RAB12: variants seen among roughly 807,000 people sequenced by gnomAD.
RAB12 encodes ras-related protein Rab-12.
In RAB12, 11 loss-of-function variants were observed where a neutral mutation model predicts 28.4. That is an observed-to-expected ratio of 0.39 (90% CI 0.24 to 0.64). The LOEUF (loss-of-function observed/expected upper bound fraction) is 0.64, where lower values mean the gene tolerates loss of function less well. RAB12 is among the 30% of genes least tolerant of loss of function. The pLI is 0.50. For missense variants in RAB12, 276 were observed against 351.1 expected, an observed-to-expected ratio of 0.79 and a Z score of 1.71; for synonymous variants, 138 against 145.3, an observed-to-expected ratio of 0.95 and a Z score of 0.36.
chr18:8,613,633 AAGCT>A (rs781022161), intron 1 of RAB12, among the ~76,000 whole-genome samples: 3 of 152,278 alleles, frequency 2.0e-5, no homozygotes, highest in Non-Finnish European at 4.4e-5. Flanking sequence ...TTACTGTTGG[AAGCT>A]AGCTGTTAAT....
rs192416875 is a variant in RAB12 at position 8,613,602 on chromosome 18, A to C, written c.514+3649A>C. ...AACTCCATAAAATTACATATCTGTCAATCTTTGTTTTATTTCTATGTTACT... is the reference window on the plus strand; with the variant it reads ...AACTCCATAAAATTACATATCTGTCCATCTTTGTTTTATTTCTATGTTACT... On this transcript the variant is annotated intron_variant, in intron 1 of 5. Coordinates refer to ENST00000649141, the MANE Select transcript of RAB12 (RefSeq NM_001025300.3). Among the ~76,000 whole-genome samples, 7 of 152,284 alleles carry C rather than the reference A, an allele frequency of 4.6e-5. No individual in the cohort carries two copies. The East Asian group carries it at 1.4e-3, about 29-fold the overall frequency.
At chr18:8,628,549 G>C (rs1174756659) in intron 2 of RAB12, among the ~76,000 whole-genome samples, 9 of 152,176 alleles carry the variant, frequency 5.9e-5, no homozygotes, top group African/African-American at 1.9e-4. Flanking sequence ...ACTAGTTCAT[G>C]TTTCCTCATT....
intron 4 of RAB12, 129 bp from the exon 5 acceptor site, chr18:8,636,124 T>C (rs2096018754): frequency 3.0e-6 from 2 of 670,106 alleles, no homozygotes; most frequent in Admixed American, 5.2e-5. Flanking sequence ...AACTTTATCT[T>C]TGAGCGTCAG....
intron 1 of RAB12, among the ~76,000 whole-genome samples, chr18:8,613,225 G>C (rs1205456224): frequency 8.5e-5 from 13 of 152,328 alleles, no homozygotes; most frequent in Admixed American, 6.5e-4. Flanking sequence ...ATGGGATTTT[G>C]TTTTCATGGA....
rs1267057142 is a variant in RAB12 at position 8,635,408 on chromosome 18, T to C, written c.715-125T>C. ...GTCCTGCCTGGGAACTGGTAGAACC[T>C]CAAAGACAGTGGAAGTGAATGGACA... On this transcript the variant is annotated intron_variant, in intron 3 of 5. Coordinates refer to ENST00000649141, the MANE Select transcript of RAB12 (RefSeq NM_001025300.3). The C allele has an allele frequency of 6.9e-6, 5 of 725,772 alleles. No homozygotes were observed. The East Asian group carries it at 1.5e-4, about 21-fold the overall frequency. 45.0% of individuals were successfully genotyped at this position (725,772 alleles called of 1,614,324 possible).
intron 3 of RAB12, among the ~76,000 whole-genome samples, chr18:8,634,792 C>T (rs866370833): frequency 9.9e-5 from 15 of 152,246 alleles, no homozygotes; most frequent in African/African-American, 3.6e-4. Flanking sequence ...CCCACGGCCA[C>T]ACCATTCAGG....
chr18:8,610,671 T>C (rs574886119), intron 1 of RAB12, among the ~76,000 whole-genome samples: 19 of 152,030 alleles, frequency 1.2e-4, no homozygotes, highest in African/African-American at 4.4e-4. Flanking sequence ...GCAGGGGAAA[T>C]TTTTTTAATT....
intron 1 of RAB12, 84 bp from the exon 2 acceptor site, chr18:8,624,854 A>G (rs2096011813): frequency 4.4e-6 from 4 of 918,222 alleles, no homozygotes; most frequent in Non-Finnish European, 6.9e-6. Flanking sequence ...TGATAATGAT[A>G]ACAAAATACA....
chr18:8,609,993 G>A (rs368352729), intron 1 of RAB12, 40 bp downstream of exon 1: 23 of 1,512,200 alleles, frequency 1.5e-5, no homozygotes, highest in Middle Eastern at 1.7e-4. Context: ...GCCTCCTGGC[G>A]CCCGGGCAGG....
At chr18:8,614,093 T>C (rs1407690376) in intron 1 of RAB12, among the ~76,000 whole-genome samples, 1 of 152,206 alleles carries the variant, frequency 6.6e-6, no homozygotes, top group East Asian at 1.9e-4. Flanking sequence ...TTAGATTGAC[T>C]TTGCTTTGTT....
Position 8,639,144 on chromosome 18 carries a change from G to GTTCTTTTTTT in RAB12, c.*885_*894dup, listed in dbSNP as rs2096020781. ...CTTATTCTGATTAAGCCTAGACTGT[G>GTTCTTTTTTT]TTCTTTTTTTTTTTTTTTTTTTTTT... On this transcript the variant is annotated 3_prime_UTR_variant, in exon 6 of 6. Transcript: ENST00000649141. 2 of 16,560 alleles carry GTTCTTTTTTT rather than the reference G, an allele frequency of 1.2e-4. No individual in the cohort carries two copies. Among genetic ancestry groups the GTTCTTTTTTT allele is most frequent in the African/African-American group, 1.8e-4 (1 of 5,450 alleles). 1.0% of individuals were successfully genotyped at this position (16,560 alleles called of 1,614,324 possible).
intron 5 of RAB12, among the ~76,000 whole-genome samples, chr18:8,637,668 A>ATTCT (rs753683042): frequency 6.6e-6 from 1 of 152,186 alleles, no homozygotes; most frequent in Non-Finnish European, 1.5e-5. Flanking sequence ...AACAGTCAGA[A>ATTCT]ATCTGAGTAT....
intron 2 of RAB12, 141 bp downstream of exon 2, chr18:8,625,139 G>A: frequency 1.7e-6 from 1 of 596,878 alleles, no homozygotes. Flanking sequence ...AATGGACAGT[G>A]TTTCCATCAA....
chr18:8,636,241 GTTTC>G lies in RAB12; in HGVS notation c.805-9_805-6del. The stretch of plus-strand genomic sequence containing the variant: ...CCCCACACAGAGGAAATAGGTGTGT[GTTTC>G]TTCTCAGTTTGCACAGCAGATCACT... On this transcript the variant is annotated splice_polypyrimidine_tract_variant and splice_region_variant and intron_variant, in intron 4 of 5. Coordinates refer to ENST00000649141, the MANE Select transcript of RAB12 (RefSeq NM_001025300.3). The G allele has an allele frequency of 6.3e-7, 1 of 1,590,170 alleles. No homozygotes were observed. The highest frequency in any genetic ancestry group is 8.6e-7 in the Non-Finnish European group (1 of 1,158,378).
chr18:8,619,997 A>T (rs1455777849), intron 1 of RAB12, among the ~76,000 whole-genome samples: 1 of 152,028 alleles, frequency 6.6e-6, no homozygotes, highest in African/African-American at 2.4e-5. Flanking sequence ...AGTTAGTGAC[A>T]GTGGTGTGCT....
In RAB12 at chr18:8,617,273, C is replaced by G. The variant is rs1006037614; in HGVS notation, c.514+7320C>G. On this transcript the variant is annotated intron_variant, in intron 1 of 5. Transcript: ENST00000649141. ...AACACTCCATAAAAAAATCCTTACC[C>G]TTTAATGATACACACTGATATATAC... Among the ~76,000 whole-genome samples, 3 of 152,192 alleles carry G rather than the reference C, an allele frequency of 2.0e-5. No individual in the cohort carries two copies. In the East Asian group the frequency reaches 5.8e-4, roughly 29 times the overall value.
Position 8,638,497 on chromosome 18 carries a change from C to A in RAB12, c.*235C>A. On this transcript the variant is annotated 3_prime_UTR_variant, in exon 6 of 6. Transcript: ENST00000649141. ...TACCCCAGTGTCTAGTGTACATACA[C>A]TGGGAAACCTAGTACTTCTAATATG... 1 of 441,778 alleles carries A rather than the reference C, an allele frequency of 2.3e-6. No homozygotes were observed. The allele number at this position is 441,778 out of a possible 1,614,324, so 27.4% of individuals were successfully genotyped here. A position where few individuals can be genotyped will look rare whatever the true frequency, so the allele number is the denominator to read the frequency against.
intron 1 of RAB12, among the ~76,000 whole-genome samples, chr18:8,619,026 A>G (rs1449882633): frequency 3.3e-5 from 5 of 152,200 alleles, no homozygotes; most frequent in Non-Finnish European, 5.9e-5. Flanking sequence ...ATTATATCCA[A>G]TTTAACATTA....
intron 2 of RAB12, among the ~76,000 whole-genome samples, chr18:8,627,995 A>G (rs1381701180): frequency 1.3e-5 from 2 of 152,236 alleles, no homozygotes; most frequent in African/African-American, 4.8e-5. Context: ...ACAGAATTGC[A>G]GGAATTTTTC....
Sources: allele counts gnomAD v4.1 joint callset (sites outside exome capture counted in the v4.1 genomes callset), GRCh38; gene constraint gnomAD v4.1.1; transcripts MANE v1.5; gene names NCBI Gene and HGNC (gene_info 2026-07-23, HGNC 2026-07-21).